The following KCNMA1 variants were observed in gnomAD, a reference collection of about 807,000 sequenced individuals.
KCNMA1 encodes potassium calcium-activated channel subfamily M alpha 1.
In KCNMA1, 29 loss-of-function variants were observed where a neutral mutation model predicts 140.0. The ratio of observed to expected loss-of-function variants is 0.21; its 90% CI spans 0.15 to 0.28. The LOEUF is 0.28. Among genes scored for constraint, KCNMA1 ranks in the 10% least tolerant of loss-of-function variants. KCNMA1 has a pLI of 1.00. For missense variants in KCNMA1, 880 were observed against 1,602.2 expected (o/e 0.55, Z 7.70); for synonymous variants, 612 against 611.9 (o/e 1.00, Z 0.00).
At chr10:77,343,638 G>A (rs2091504530) in intron 2 of KCNMA1, among the ~76,000 whole-genome samples, 1 of 152,170 alleles carries the variant, frequency 6.6e-6, no homozygotes, top group South Asian at 2.1e-4. Context: ...TTCTAGCGAG[G>A]AGACACAAAT....
intron 2 of KCNMA1, among the ~76,000 whole-genome samples, chr10:77,297,326 T>C (rs2075420723): frequency 6.6e-6 from 1 of 152,208 alleles, no homozygotes; most frequent in East Asian, 1.9e-4. Flanking sequence ...AGGACATTGT[T>C]GCCAAACTTC....
chr10:77,033,150 C>T (rs1452369633), intron 15 of KCNMA1, among the ~76,000 whole-genome samples: 1 of 152,108 alleles, frequency 6.6e-6, no homozygotes, highest in Non-Finnish European at 1.5e-5. Context: ...GATACAAACA[C>T]TGCACATTGG....
chr10:77,618,176 G>A (rs969623749), intron 1 of KCNMA1, among the ~76,000 whole-genome samples: 11 of 152,116 alleles, frequency 7.2e-5, no homozygotes, highest in African/African-American at 2.2e-4. Flanking sequence ...GAAAGGAGCC[G>A]GGGTCTTTAA....
intron 1 of KCNMA1, among the ~76,000 whole-genome samples, chr10:77,408,082 G>A (rs2154472842): frequency 6.6e-6 from 1 of 152,248 alleles, no homozygotes; most frequent in South Asian, 2.1e-4. Context: ...GTGGACCCCA[G>A]ACCCAGTGAC....
intron 1 of KCNMA1, among the ~76,000 whole-genome samples, chr10:77,520,268 T>C (rs2052820291): frequency 3.7e-4 from 3 of 8,176 alleles, no homozygotes; most frequent in Non-Finnish European, 5.6e-4. Flanking sequence ...CAGTGTGAGG[T>C]CTGGGATATG....
intron 7 of KCNMA1, among the ~76,000 whole-genome samples, chr10:77,111,176 T>G (rs759359061): frequency 2.6e-5 from 4 of 152,294 alleles, no homozygotes; most frequent in African/African-American, 9.6e-5. Flanking sequence ...ACAAGGCTAG[T>G]AGGTGGGCAG....
At chr10:77,118,339 C>G (rs1362171708) in intron 6 of KCNMA1, among the ~76,000 whole-genome samples, 1 of 152,164 alleles carries the variant, frequency 6.6e-6, no homozygotes, top group Non-Finnish European at 1.5e-5. Context: ...TGGGGATGCC[C>G]AAAAGGAAGG....
chr10:77,475,104 T>A (rs924285511), intron 1 of KCNMA1, among the ~76,000 whole-genome samples: 22 of 152,174 alleles, frequency 1.4e-4, no homozygotes, highest in Non-Finnish European at 2.6e-4. Flanking sequence ...CTCTATTTGC[T>A]AAGTGCCTCA....
chr10:77,585,761 C>T (rs1483892935), intron 1 of KCNMA1, among the ~76,000 whole-genome samples: 1 of 152,190 alleles, frequency 6.6e-6, no homozygotes, highest in Non-Finnish European at 1.5e-5. Context: ...GTCCTCACCA[C>T]CTTCAGTTAT....
intron 1 of KCNMA1, among the ~76,000 whole-genome samples, chr10:77,463,525 G>T (rs1174044800): frequency 6.6e-6 from 1 of 152,186 alleles, no homozygotes; most frequent in Non-Finnish European, 1.5e-5. Flanking sequence ...GAGCAGAGAG[G>T]AGCCGCTCTG....
At chr10:77,016,154 T>C (rs1195532662) in intron 17 of KCNMA1, among the ~76,000 whole-genome samples, 1 of 152,104 alleles carries the variant, frequency 6.6e-6, no homozygotes, top group Non-Finnish European at 1.5e-5. Flanking sequence ...CTATCCACAA[T>C]GAACTTCTTC....
intron 1 of KCNMA1, among the ~76,000 whole-genome samples, chr10:77,600,033 C>A (rs2082136641): frequency 6.6e-6 from 1 of 152,222 alleles, no homozygotes. Context: ...CACAAGAAGT[C>A]ACCCTGAGCA....
chr10:77,575,675 A>C (rs1249834361), intron 1 of KCNMA1, among the ~76,000 whole-genome samples: 4 of 152,238 alleles, frequency 2.6e-5, no homozygotes, highest in African/African-American at 9.6e-5. Context: ...GCTGCACATT[A>C]GGATCACCCG....
intron 1 of KCNMA1, among the ~76,000 whole-genome samples, chr10:77,576,911 T>G (rs1207619650): frequency 6.6e-6 from 1 of 152,218 alleles, no homozygotes; most frequent in Non-Finnish European, 1.5e-5. Context: ...TGTTAGGCAC[T>G]GTGTGAAATG....
chr10:77,439,159 G>A (rs11599006), intron 1 of KCNMA1, among the ~76,000 whole-genome samples: 3,324 of 124,986 alleles, frequency 0.027, 55 homozygotes, highest in Middle Eastern at 0.058. Flanking sequence ...AAAGAGAAGA[G>A]AAGAAAAGAA....
intron 1 of KCNMA1, among the ~76,000 whole-genome samples, chr10:77,512,187 C>T (rs146338006): frequency 3.3e-5 from 5 of 152,288 alleles, no homozygotes; most frequent in East Asian, 1.9e-4. Context: ...ATTCTCTGGA[C>T]GTGAAGAAAG....
At chr10:77,608,334 G>A (rs1237620042) in intron 1 of KCNMA1, among the ~76,000 whole-genome samples, 1 of 152,130 alleles carries the variant, frequency 6.6e-6, no homozygotes, top group Non-Finnish European at 1.5e-5. Flanking sequence ...CACCACGCCT[G>A]GCTAATTTTT....
intron 1 of KCNMA1, among the ~76,000 whole-genome samples, chr10:77,561,736 T>C (rs953483773): frequency 1.3e-5 from 2 of 152,056 alleles, no homozygotes; most frequent in African/African-American, 4.8e-5. Flanking sequence ...AACTGAGCCA[T>C]TTTAGGGGCT....
At chr10:77,017,968 T>G (rs1468141709) in intron 17 of KCNMA1, among the ~76,000 whole-genome samples, 6 of 152,150 alleles carry the variant, frequency 3.9e-5, no homozygotes, top group African/African-American at 7.2e-5. Context: ...TGTGGTAGTA[T>G]TATTAAATTT....
Sources: allele counts gnomAD v4.1 joint callset (sites outside exome capture counted in the v4.1 genomes callset), GRCh38; gene constraint gnomAD v4.1.1; transcripts MANE v1.5; gene names NCBI Gene and HGNC (gene_info 2026-07-23, HGNC 2026-07-21).